The following TMPRSS5 variants were observed in gnomAD, a reference collection of about 807,000 sequenced individuals.
TMPRSS5 encodes the protein transmembrane serine protease 5, also known as transmembrane protease serine 5.
In TMPRSS5, 45 loss-of-function variants were observed where a neutral mutation model predicts 59.7. The observed-to-expected ratio is 0.75, with a 90% confidence interval of 0.59 to 0.97. TMPRSS5 has a LOEUF of 0.97. TMPRSS5 is among the 50% of genes least tolerant of loss of function. The pLI is 0.00. For missense variants in TMPRSS5, 585 were observed against 596.7 expected, an observed-to-expected ratio of 0.98 and a Z score of 0.20; for synonymous variants, 225 against 232.0, an observed-to-expected ratio of 0.97 and a Z score of 0.27.
Position 113,694,491 on chromosome 11 carries a change from G to A in TMPRSS5, c.772C>T (p.His258Tyr), listed in dbSNP as rs1392704991. The A allele has an allele frequency of 6.4e-7, 1 of 1,566,678 alleles. No individual in the cohort carries two copies. Among genetic ancestry groups the A allele is most frequent in the Non-Finnish European group, 8.7e-7 (1 of 1,155,118 alleles). The part of the protein sequence containing the change: ...LAPRWVVTAA[H>Y]CMHSFRLARL... ...ACAGAGACTTGCCTGTGCATACAAT[G>A]TGCAGCAGTCACCACCCAGCGTGGC... The change falls in exon 8 of 13, where the codon CAT becomes TAT. Residue 258 changes from histidine to tyrosine, a missense_variant. Physicochemically the swap from His to Tyr is moderately conservative, Grantham distance 83. Transcript: ENST00000299882.
At position 113,688,044 on chromosome 11, in the gene TMPRSS5, T is replaced by C. The variant is rs1952653804; in HGVS notation, c.*216A>G. On this transcript the variant is annotated 3_prime_UTR_variant, in exon 13 of 13. Coordinates refer to ENST00000299882, the MANE Select transcript of TMPRSS5 (RefSeq NM_030770.4). ...AGCCTCTCTTCTGTCATTGAGTCTCTAGTGAGAAAGAGGACTCTGAAATCA... is the reference window on the plus strand; with the variant it reads ...AGCCTCTCTTCTGTCATTGAGTCTCCAGTGAGAAAGAGGACTCTGAAATCA... The C allele has an allele frequency of 3.2e-6, 2 of 624,382 alleles. No individual in the cohort carries two copies. The highest frequency in any genetic ancestry group is 5.4e-5 in the South Asian group (1 of 18,618). The allele number at this position is 624,382 out of a possible 1,614,324, so 38.7% of individuals were successfully genotyped here.
At chr11:113,691,224 G>A (rs1952771407) in intron 9 of TMPRSS5, among the ~76,000 whole-genome samples, 1 of 152,186 alleles carries the variant, frequency 6.6e-6, no homozygotes, top group African/African-American at 2.4e-5. Flanking sequence ...TGGGGATGGA[G>A]TGGGGGTGAA....
intron 1 of TMPRSS5, among the ~76,000 whole-genome samples, chr11:113,702,441 G>A (rs1014510523): frequency 3.9e-5 from 6 of 152,154 alleles, no homozygotes; most frequent in African/African-American, 9.7e-5. Context: ...GTGTTCAAGA[G>A]GAAAGAGAGC....
intron 9 of TMPRSS5, 63 bp from the exon 10 acceptor site, chr11:113,691,002 G>C (rs749533673): frequency 3.0e-4 from 445 of 1,468,928 alleles, no homozygotes; most frequent in Non-Finnish European, 4.1e-4. Flanking sequence ...GCAGAGCCTG[G>C]GCGAAGGACC....
chr11:113,705,901 GA>G (rs150617034), intron 1 of TMPRSS5, among the ~76,000 whole-genome samples: 1 of 151,164 alleles, frequency 6.6e-6, no homozygotes, highest in Admixed American at 6.6e-5. Context: ...TGCTAGCCTA[GA>G]AAAAAAAATG....
rs1952642713 is a variant in TMPRSS5 at position 113,687,593 on chromosome 11, T to G, written c.*667A>C. 1 of 152,216 alleles carries G rather than the reference T, an allele frequency of 6.6e-6. No homozygotes were observed. The highest frequency in any genetic ancestry group is 2.4e-5 in the African/African-American group (1 of 41,430). 9.4% of individuals were successfully genotyped at this position (152,216 alleles called of 1,614,324 possible). On this transcript the variant is annotated 3_prime_UTR_variant, in exon 13 of 13. Transcript: ENST00000299882. ...TTAATAACAGAACTCCTTGGACCAG[T>G]TCACAGAACTGTCATTTAAAACCAA...
intron 1 of TMPRSS5, among the ~76,000 whole-genome samples, chr11:113,701,378 G>A (rs532340209): frequency 1.3e-5 from 2 of 152,200 alleles, no homozygotes; most frequent in African/African-American, 4.8e-5. Context: ...ATGGAGATGA[G>A]GAACGTCTTG....
intron 4 of TMPRSS5, 91 bp downstream of exon 4, chr11:113,698,814 C>T: frequency 2.1e-6 from 3 of 1,451,418 alleles, no homozygotes; most frequent in Non-Finnish European, 2.8e-6. Context: ...TGGCAGTGAA[C>T]AGATGGCCCT....
intron 3 of TMPRSS5, among the ~76,000 whole-genome samples, chr11:113,699,263 CTCT>C (rs1173233874): frequency 4.2e-5 from 4 of 94,406 alleles, no homozygotes; most frequent in African/African-American, 1.7e-4. Context: ...CTCTCTCTCT[CTCT>C]CTCTCCCTCT....
chr11:113,694,303 A>T, intron 8 of TMPRSS5, 175 bp downstream of exon 8: 1 of 486,636 alleles, frequency 2.1e-6, no homozygotes. Flanking sequence ...TATTACTGTT[A>T]TTTGTGCAGA....
rs752073977 is a variant in TMPRSS5, at chr11:113,693,262, G to T, written c.786-13C>A. On this transcript the variant is annotated splice_polypyrimidine_tract_variant and intron_variant, in intron 8 of 12. Transcript: ENST00000299882. ...GGCCAGCCTGAAACTGCACACAGGG[G>T]CCATGCTGAGCGGGGAAGGAAGGGG... The T allele has an allele frequency of 6.5e-6, 10 of 1,529,692 alleles. No homozygotes were observed. In the African/African-American group the frequency reaches 1.4e-4, roughly 21 times the overall value. The allele number at this position is 1,529,692 out of a possible 1,614,324, so 94.8% of individuals were successfully genotyped here.
rs757253449 is a variant in TMPRSS5 at position 113,697,347 on chromosome 11, C to G, written c.400G>C (p.Val134Leu). 1.2e-6 allele frequency: 2 copies of G among 1,613,820 alleles called. No individual in the cohort carries two copies. Among genetic ancestry groups the G allele is most frequent in the Admixed American group, 1.7e-5 (1 of 60,024 alleles). Residue 134 changes from valine to leucine, a missense_variant, in exon 5 of 13, where the codon GTC becomes CTC. Val to Leu is a conservative substitution (Grantham distance 32). Coordinates refer to ENST00000299882, the MANE Select transcript of TMPRSS5 (RefSeq NM_030770.4). The part of the protein sequence containing the change: ...QVRDQPRWLL[V>L]CHEGWSPALG... ...GCGGGGCTCCAGCCCTCATGGCAGA[C>G]CAGGAGCCAGCGTGGCTGATCCCTC...
At chr11:113,699,265 CT>C in intron 3 of TMPRSS5, among the ~76,000 whole-genome samples, 1 of 102,416 alleles carries the variant, frequency 9.8e-6, no homozygotes, top group African/African-American at 4.4e-5. Flanking sequence ...CTCTCTCTCT[CT>C]CTCTCCCTCT....
intron 1 of TMPRSS5, among the ~76,000 whole-genome samples, chr11:113,702,463 G>A (rs963125654): frequency 1.3e-5 from 2 of 152,172 alleles, no homozygotes; most frequent in Non-Finnish European, 2.9e-5. Flanking sequence ...TAAAAGGTTG[G>A]AAAATTTGTA....
rs3802856 is a variant in TMPRSS5, at chr11:113,699,768, T to C, written c.107-75A>G. 0.66 allele frequency: 971,369 copies of C among 1,466,852 alleles called. 326,151 individuals carry two copies. Among genetic ancestry groups the C allele is most frequent in the African/African-American group, 0.93 (65,999 of 71,296 alleles). The allele number at this position is 1,466,852 out of a possible 1,614,324, so 90.9% of individuals were successfully genotyped here. On this transcript the variant is annotated intron_variant, in intron 2 of 12. Transcript: ENST00000299882. ...GCCTTACTTCACCCTAAGTCACCAC[T>C]ATGGGGCTAGGCACCCACAGAGCTC...
intron 3 of TMPRSS5, among the ~76,000 whole-genome samples, chr11:113,699,260 T>A (rs11214709): frequency 8.3e-5 from 3 of 35,956 alleles, no homozygotes; most frequent in Non-Finnish European, 5.1e-5. Context: ...TCTCTCTCTC[T>A]CTCTCTCTCT....
chr11:113,687,558 A>G lies in TMPRSS5; in HGVS notation c.*702T>C, dbSNP rs1952641759. On this transcript the variant is annotated 3_prime_UTR_variant, in exon 13 of 13. Coordinates refer to ENST00000299882, the MANE Select transcript of TMPRSS5 (RefSeq NM_030770.4). ...AGACAGAGAAAACTGGACCAAGACC[A>G]TATATCACTTTAATAACAGAACTCC... 1 of 152,268 alleles carries G rather than the reference A, an allele frequency of 6.6e-6. No individual in the cohort carries two copies. The highest frequency in any genetic ancestry group is 6.5e-5 in the Admixed American group (1 of 15,280). The allele number at this position is 152,268 out of a possible 1,614,324, so 9.4% of individuals were successfully genotyped here.
chr11:113,694,261 A>AAAAC, intron 8 of TMPRSS5: 1 of 418,864 alleles, frequency 2.4e-6, no homozygotes, highest in Non-Finnish European at 4.1e-6. Context: ...AAAAAAAAAA[A>AAAAC]ACTGATGAAT....
chr11:113,700,854 G>A (rs773419292), intron 1 of TMPRSS5, among the ~76,000 whole-genome samples: 1 of 152,206 alleles, frequency 6.6e-6, no homozygotes, highest in Non-Finnish European at 1.5e-5. Context: ...ATCCCCATAT[G>A]TTCGGGTAGG....
Sources: allele counts gnomAD v4.1 joint callset (sites outside exome capture counted in the v4.1 genomes callset), GRCh38; gene constraint gnomAD v4.1.1; transcripts MANE v1.5; gene names NCBI Gene and HGNC (gene_info 2026-07-23, HGNC 2026-07-21).